Variants in LOC128706666 observed in about 807,000 individuals in gnomAD.
the LOC128706666 span, among the ~76,000 whole-genome samples, chr20:10,430,058 C>T: frequency 2.0e-5 from 3 of 152,076 alleles, no homozygotes; most frequent in African/African-American, 7.2e-5. Flanking sequence ...AAAACAAAAA[C>T]AAATCTGGTT....
chr20:10,426,374 G>A, the LOC128706666 span, among the ~76,000 whole-genome samples: 2 of 152,178 alleles, frequency 1.3e-5, no homozygotes, highest in African/African-American at 4.8e-5. Context: ...GATCACTGAG[G>A]TCAACTAGCT....
At chr20:10,426,930 A>C in the LOC128706666 span, among the ~76,000 whole-genome samples, 1 of 152,134 alleles carries the variant, frequency 6.6e-6, no homozygotes, top group Non-Finnish European at 1.5e-5. Context: ...TGACAGCAAG[A>C]GATTAATGAA....
At chr20:10,423,988 T>TG in the LOC128706666 span, among the ~76,000 whole-genome samples, 20,481 of 152,194 alleles carry the variant, frequency 0.13, 1,500 homozygotes, top group East Asian at 0.24. Flanking sequence ...ATTTGGCTAA[T>TG]GGGGGTGAGA....
the LOC128706666 span, among the ~76,000 whole-genome samples, chr20:10,425,666 A>G: frequency 6.6e-6 from 1 of 152,248 alleles, no homozygotes; most frequent in Non-Finnish European, 1.5e-5. Context: ...TGAGTCTAAA[A>G]CAAAGATTTC....
At chr20:10,414,110 C>T in the LOC128706666 span, among the ~76,000 whole-genome samples, 2 of 152,078 alleles carry the variant, frequency 1.3e-5, no homozygotes, top group Non-Finnish European at 2.9e-5. Flanking sequence ...CTTTATTCTT[C>T]AATAAATCCC....
chr20:10,430,331 T>C, the LOC128706666 span, among the ~76,000 whole-genome samples: 1 of 152,344 alleles, frequency 6.6e-6, no homozygotes, highest in Admixed American at 6.5e-5. Context: ...AGTCACTTAA[T>C]CTCATTGTGC....
the LOC128706666 span, among the ~76,000 whole-genome samples, chr20:10,423,769 A>G: frequency 6.6e-6 from 1 of 152,230 alleles, no homozygotes; most frequent in African/African-American, 2.4e-5. Flanking sequence ...TTAAGGATCG[A>G]TGAATCTTTT....
the LOC128706666 span, among the ~76,000 whole-genome samples, chr20:10,429,255 G>A: frequency 6.6e-6 from 1 of 152,112 alleles, no homozygotes; most frequent in Non-Finnish European, 1.5e-5. Context: ...GTAGCCTTTT[G>A]ATGTGTTCTT....
chr20:10,424,588 A>G, the LOC128706666 span, among the ~76,000 whole-genome samples: 1 of 152,210 alleles, frequency 6.6e-6, no homozygotes, highest in Non-Finnish European at 1.5e-5. Flanking sequence ...TTTACAAAAA[A>G]AAAAATAGTT....
chr20:10,427,755 C>T, the LOC128706666 span, among the ~76,000 whole-genome samples: 2 of 152,278 alleles, frequency 1.3e-5, no homozygotes, highest in Middle Eastern at 6.8e-3. Context: ...ACTCATTTTG[C>T]TGGACTTCTC....
At chr20:10,426,023 C>T in the LOC128706666 span, among the ~76,000 whole-genome samples, 1 of 152,172 alleles carries the variant, frequency 6.6e-6, no homozygotes, top group Admixed American at 6.5e-5. Context: ...AGTTTAGAGG[C>T]AATCTTAATG....
chr20:10,432,437 G>A, the LOC128706666 span, among the ~76,000 whole-genome samples: 1 of 152,066 alleles, frequency 6.6e-6, no homozygotes, highest in Non-Finnish European at 1.5e-5. Flanking sequence ...CAGTATTTGG[G>A]GGATTGCATC....
the LOC128706666 span, among the ~76,000 whole-genome samples, chr20:10,419,401 A>G: frequency 6.6e-6 from 1 of 152,216 alleles, no homozygotes; most frequent in Non-Finnish European, 1.5e-5. Flanking sequence ...GCTATATTAT[A>G]GTAAATCAAA....
chr20:10,427,029 G>GACACACACAGACACAC, the LOC128706666 span, among the ~76,000 whole-genome samples: 1 of 130,724 alleles, frequency 7.6e-6, no homozygotes, highest in East Asian at 2.6e-4. Flanking sequence ...AGAAAACACT[G>GACACACACAGACACAC]ACACACACAC....
the LOC128706666 span, among the ~76,000 whole-genome samples, chr20:10,424,144 C>T: frequency 1.3e-5 from 2 of 152,090 alleles, no homozygotes; most frequent in South Asian, 4.1e-4. Context: ...AAGTATCACA[C>T]TGTACATATA....
chr20:10,428,239 C>T, the LOC128706666 span, among the ~76,000 whole-genome samples: 1 of 152,146 alleles, frequency 6.6e-6, no homozygotes, highest in Non-Finnish European at 1.5e-5. Context: ...TGTTTTTACA[C>T]CCTGGCTGCC....
At chr20:10,431,428 G>A in the LOC128706666 span, among the ~76,000 whole-genome samples, 4 of 152,018 alleles carry the variant, frequency 2.6e-5, no homozygotes, top group African/African-American at 9.7e-5. Context: ...GAACTACCAA[G>A]AAGAGTAAGG....
At chr20:10,424,205 G>A in the LOC128706666 span, among the ~76,000 whole-genome samples, 39 of 151,560 alleles carry the variant, frequency 2.6e-4, no homozygotes, top group African/African-American at 9.2e-4. Flanking sequence ...AAATGACATT[G>A]GCATATAATG....
At chr20:10,413,951 A>G in the LOC128706666 span, 1 of 404,868 alleles carries the variant, frequency 2.5e-6, no homozygotes, top group Non-Finnish European at 4.4e-6. Flanking sequence ...AATAAAAAAA[A>G]CATTTTAGAG....
Sources: gnomAD v4.1 joint callset for allele counts (sites outside exome capture counted in the v4.1 genomes callset) on GRCh38, gnomAD v4.1.1 for gene constraint, MANE v1.5 for transcripts.